The following ADGRG2 variants were observed in gnomAD, a reference collection of about 807,000 sequenced individuals.
ADGRG2 encodes G protein-coupled receptor 64.
A neutral mutation model predicts 74.1 loss-of-function variants in ADGRG2; 26 were observed. That is an observed-to-expected ratio of 0.35 (90% confidence interval 0.26 to 0.49). The LOEUF (loss-of-function observed/expected upper bound fraction) is 0.49, where lower values mean the gene tolerates loss of function less well. Ranked by LOEUF, ADGRG2 falls within the 20% of genes least tolerant of loss-of-function variation. ADGRG2 has a pLI of 0.99. For missense variants in ADGRG2, 619 were observed against 763.1 expected, an observed-to-expected ratio of 0.81 and a Z score of 2.22; for synonymous variants, 296 against 295.2, an observed-to-expected ratio of 1.00 and a Z score of -0.03.
chrX:19,113,422 G>C (rs774372509), intron 1 of ADGRG2, among the ~76,000 whole-genome samples: 1 of 111,910 alleles, frequency 8.9e-6, no homozygotes, highest in African/African-American at 3.2e-5. Flanking sequence ...AAAAAATGCT[G>C]TAAAGGATGT....
chrX:19,021,072 G>A (rs1457448652), intron 14 of ADGRG2, 32 bp downstream of exon 14: 9 of 677,122 alleles, frequency 1.3e-5, no homozygotes, highest in Non-Finnish European at 2.4e-6. Flanking sequence ...AAATCCACAT[G>A]AAGATTAATG....
At position 19,001,193 on chromosome X, in the gene ADGRG2, C is replaced by A. The variant is rs770792133; in HGVS notation, c.2231-1233G>T. ...TGGCTGATCCAGGGGGTGGTGACTG[C>A]TACTATGCTGGCTCTGTTGAGAGCC... On this transcript the variant is annotated intron_variant, in intron 24 of 28. Transcript: ENST00000379869. Among the ~76,000 whole-genome samples the A allele has an allele frequency of 9.0e-5, 10 of 111,350 alleles. No homozygotes were observed. In the South Asian group the frequency reaches 3.8e-3, roughly 42 times the overall value.
In ADGRG2 at chrX:18,989,857, C is replaced by G. The variant is rs945285479; in HGVS notation, c.*1007G>C. 2 of 112,356 alleles carry G rather than the reference C, an allele frequency of 1.8e-5. No individual in the cohort carries two copies. The highest frequency in any genetic ancestry group is 6.5e-5 in the African/African-American group (2 of 30,871). The allele number at this position is 112,356 out of a possible 1,213,427, so 9.3% of individuals were successfully genotyped here. ...AGAGAAGGAATCCTAGTCTACTCTCCTGTTCCTAAAGGCTCTGGGGATTTG... is the reference window on the plus strand; with the variant it reads ...AGAGAAGGAATCCTAGTCTACTCTCGTGTTCCTAAAGGCTCTGGGGATTTG... On this transcript the variant is annotated 3_prime_UTR_variant, in exon 29 of 29. Coordinates refer to ENST00000379869, the MANE Select transcript of ADGRG2 (RefSeq NM_001079858.3).
intron 1 of ADGRG2, among the ~76,000 whole-genome samples, chrX:19,096,185 C>A (rs899907352): frequency 9.1e-6 from 1 of 110,038 alleles, no homozygotes; most frequent in East Asian, 2.9e-4. Flanking sequence ...CTGAGTCAGG[C>A]GGATCACCTG....
intron 1 of ADGRG2, among the ~76,000 whole-genome samples, chrX:19,092,175 CA>C (rs745482247): frequency 8.5e-4 from 95 of 112,093 alleles, no homozygotes; most frequent in Middle Eastern, 4.6e-3. Flanking sequence ...CCAGCCCTTG[CA>C]GCATCCCAGC....
intron 3 of ADGRG2, among the ~76,000 whole-genome samples, chrX:19,049,455 T>TTTTTTTTTTTTTTTTTTTTTTTTTTTG (rs1328733136): frequency 3.3e-5 from 3 of 90,997 alleles, no homozygotes; most frequent in Admixed American, 1.2e-4. Flanking sequence ...TTTTTTTTTT[T>TTTTTTTTTTTTTTTTTTTTTTTTTTTG]TTGTTGTTGT....
intron 1 of ADGRG2, among the ~76,000 whole-genome samples, chrX:19,105,575 G>A (rs1209959868): frequency 9.1e-6 from 1 of 110,214 alleles, no homozygotes; most frequent in Admixed American, 9.8e-5. Context: ...ACGGGGGCCT[G>A]TAGGGGGATG....
At chrX:19,006,914 G>A (rs993797456) in intron 20 of ADGRG2, among the ~76,000 whole-genome samples, 1 of 108,427 alleles carries the variant, frequency 9.2e-6, no homozygotes, top group Non-Finnish European at 1.9e-5. Flanking sequence ...CTGCCACCAC[G>A]CCCAGCTAAT....
intron 3 of ADGRG2, among the ~76,000 whole-genome samples, chrX:19,041,024 G>A (rs2061050119): frequency 1.8e-5 from 2 of 110,270 alleles, no homozygotes; most frequent in Admixed American, 2.0e-4. Context: ...ATGCATATAT[G>A]TTTATATGTA....
intron 3 of ADGRG2, among the ~76,000 whole-genome samples, chrX:19,064,078 G>A (rs1569118168): frequency 8.9e-6 from 1 of 111,786 alleles, no homozygotes; most frequent in Non-Finnish European, 1.9e-5. Context: ...GTTTGGGGGT[G>A]TTATCTCCCT....
At position 19,013,601 on chromosome X, in the gene ADGRG2, C is replaced by T. The variant is rs7891860; in HGVS notation, c.1099+85G>A. ...CGAAAGGAAAGCTCTAGAAATCAAGCGAACATCATACAAAGAAAGGCTCAA... is the reference window on the plus strand; with the variant it reads ...CGAAAGGAAAGCTCTAGAAATCAAGTGAACATCATACAAAGAAAGGCTCAA... On this transcript the variant is annotated intron_variant, in intron 16 of 28. Coordinates refer to ENST00000379869, the MANE Select transcript of ADGRG2 (RefSeq NM_001079858.3). The T allele has an allele frequency of 3.0e-4, 253 of 833,826 alleles. No individual in the cohort carries two copies. In the African/African-American group the frequency reaches 4.6e-3, roughly 15 times the overall value. 68.7% of individuals were successfully genotyped at this position (833,826 alleles called of 1,213,427 possible).
At chrX:19,009,057 T>A (rs1311856382) in intron 18 of ADGRG2, among the ~76,000 whole-genome samples, 1 of 110,939 alleles carries the variant, frequency 9.0e-6, no homozygotes, top group Non-Finnish European at 1.9e-5. Flanking sequence ...CTGCCTACTC[T>A]CCCAATTGCC....
intron 17 of ADGRG2, 135 bp downstream of exon 17, chrX:19,010,478 A>G (rs1338959785): frequency 1.0e-4 from 54 of 535,271 alleles, no homozygotes; most frequent in Non-Finnish European, 1.5e-4. Context: ...TAAGCAGAAT[A>G]TAGAGTAGCA....
At chrX:19,007,095 G>C in intron 20 of ADGRG2, 140 bp downstream of exon 20, 1 of 549,840 alleles carries the variant, frequency 1.8e-6, no homozygotes, top group East Asian at 3.4e-5. Flanking sequence ...ATGGAGAGAT[G>C]TGATTCTAGT....
chrX:19,010,157 G>A (rs1295831689), intron 17 of ADGRG2, among the ~76,000 whole-genome samples: 11 of 97,319 alleles, frequency 1.1e-4, no homozygotes, highest in African/African-American at 4.3e-4. Flanking sequence ...GTCTCACTCT[G>A]CCTCCCAGGC....
intron 1 of ADGRG2, among the ~76,000 whole-genome samples, chrX:19,086,758 A>G (rs1449092415): frequency 9.0e-6 from 1 of 111,276 alleles, no homozygotes; most frequent in Non-Finnish European, 1.9e-5. Context: ...ACCAAAACCA[A>G]CCAAAACAGA....
rs139470088 is a variant in ADGRG2 at position 19,083,230 on chromosome X, G to A, written c.-46-484C>T. Among the ~76,000 whole-genome samples, 687 of 102,270 alleles carry A rather than the reference G, an allele frequency of 6.7e-3. 10 individuals carry two copies. The highest frequency in any genetic ancestry group is 0.024 in the African/African-American group (649 of 27,466). The allele number at this position is 102,270 out of a possible 115,157, so 88.8% of individuals were successfully genotyped here. On this transcript the variant is annotated intron_variant, in intron 1 of 28. Transcript: ENST00000379869. Reference sequence around the variant, plus strand: ...AGACAGGGTTTCACCATGTTGGCCAGGCTGGTCTCAAACTCCTGACTTCAG... The same window carrying A: ...AGACAGGGTTTCACCATGTTGGCCAAGCTGGTCTCAAACTCCTGACTTCAG...
chrX:18,996,092 C>G lies in ADGRG2; in HGVS notation c.2675G>C (p.Arg892Pro). ...AKENVRKQWR[R>P]YLCCGKLRLA... is the part of the protein sequence containing the mutation. The stretch of plus-strand genomic sequence containing the variant: ...CCGTAACTTTCCACAACAAAGATAC[C>G]GCCTCCATTGCTTCCTGACATTTTC... The change falls in exon 27 of 29, where the codon CGG becomes CCG. Residue 892 changes from arginine (R) to proline (P), a missense_variant. Coordinates refer to ENST00000379869, the MANE Select transcript of ADGRG2 (RefSeq NM_001079858.3). 1 of 1,187,988 alleles carries G rather than the reference C, an allele frequency of 8.4e-7. No individual in the cohort carries two copies. Among genetic ancestry groups the G allele is most frequent in the Non-Finnish European group, 1.1e-6 (1 of 875,237 alleles).
At chrX:19,030,888 G>C (rs1024479614) in intron 9 of ADGRG2, 96 bp downstream of exon 9, 12 of 555,208 alleles carry the variant, frequency 2.2e-5, no homozygotes, top group Non-Finnish European at 3.1e-5. Context: ...GCAGCTCCAA[G>C]AGGCACATAC....
Sources: gnomAD v4.1 joint callset for allele counts (sites outside exome capture counted in the v4.1 genomes callset) on GRCh38, gnomAD v4.1.1 for gene constraint, MANE v1.5 for transcripts, NCBI Gene and HGNC (gene_info 2026-07-23, HGNC 2026-07-21) for gene names.